BANK1: variants seen among roughly 807,000 people sequenced by gnomAD.
The protein encoded by BANK1 is B-cell scaffold protein with ankyrin repeats.
In BANK1, 95 loss-of-function variants were observed where a neutral mutation model predicts 94.5. The ratio of observed to expected loss-of-function variants is 1.00; its 90% CI spans 0.85 to 1.19. The LOEUF is 1.19. BANK1 is among the 50% of genes most tolerant of loss of function. The pLI is 0.00. For synonymous variants in BANK1, 334 were observed against 308.4 expected (o/e 1.08, Z -0.87); for missense variants, 987 against 932.2 (o/e 1.06, Z -0.77).
Position 101,902,392 on chromosome 4 carries a change from T to C in BANK1, c.1009+6982T>C, listed in dbSNP as rs537352846. On this transcript the variant is annotated intron_variant, in intron 6 of 16. Transcript: ENST00000322953. ...AAAAATGCTATTAAGGTTTTATATT[T>C]CTCTAAGAAATAAATTATTATAAAT... Among the ~76,000 whole-genome samples, 3 of 152,364 alleles carry C rather than the reference T, an allele frequency of 2.0e-5. No homozygotes were observed. The East Asian group carries it at 5.8e-4, about 29-fold the overall frequency.
At chr4:101,995,784 A>G (rs530588443) in intron 7 of BANK1, among the ~76,000 whole-genome samples, 31 of 151,786 alleles carry the variant, frequency 2.0e-4, no homozygotes, top group Non-Finnish European at 4.3e-4. Flanking sequence ...CCACTTTTTG[A>G]TGGGGTTGTT....
At chr4:101,793,283 A>G (rs1051855364) in intron 1 of BANK1, among the ~76,000 whole-genome samples, 30 of 152,154 alleles carry the variant, frequency 2.0e-4, no homozygotes, top group Admixed American at 6.5e-4. Flanking sequence ...TTTGACTGCA[A>G]TCTTCCAACA....
intron 11 of BANK1, among the ~76,000 whole-genome samples, chr4:102,059,088 G>A (rs766796467): frequency 6.6e-6 from 1 of 152,154 alleles, no homozygotes; most frequent in Non-Finnish European, 1.5e-5. Flanking sequence ...ATCAATCCTA[G>A]TTATATCAAC....
At chr4:101,853,985 G>T (rs896954037) in intron 2 of BANK1, among the ~76,000 whole-genome samples, 1 of 152,120 alleles carries the variant, frequency 6.6e-6, no homozygotes, top group Non-Finnish European at 1.5e-5. Flanking sequence ...GTTCATCATG[G>T]TGACAGAGTG....
rs1560602273 is a variant in BANK1 at position 101,853,651 on chromosome 4, CGT to C, written c.470-1383_470-1382del. Among the ~76,000 whole-genome samples, 10 of 152,162 alleles carry C rather than the reference CGT, an allele frequency of 6.6e-5. No individual in the cohort carries two copies. The East Asian group carries it at 1.9e-3, about 29-fold the overall frequency. ...AGTTTGCCTGCTATCAAGAAGCAGG[CGT>C]AATTTTATGATTTGACATATTAATG... On this transcript the variant is annotated intron_variant, in intron 2 of 16. Transcript: ENST00000322953.
chr4:101,925,822 C>T (rs183312878), intron 7 of BANK1, among the ~76,000 whole-genome samples: 7 of 151,756 alleles, frequency 4.6e-5, no homozygotes, highest in Admixed American at 1.3e-4. Context: ...TTGTGTAGAA[C>T]AGGGTAACCT....
At chr4:101,896,942 T>C (rs1327299757) in intron 6 of BANK1, among the ~76,000 whole-genome samples, 1 of 151,980 alleles carries the variant, frequency 6.6e-6, no homozygotes, top group Non-Finnish European at 1.5e-5. Flanking sequence ...CAGAAATTAA[T>C]GTTATTGTAA....
chr4:101,836,221 C>T (rs909049914), intron 2 of BANK1, among the ~76,000 whole-genome samples: 51 of 152,124 alleles, frequency 3.4e-4, no homozygotes, highest in African/African-American at 1.2e-3. Context: ...TGGCTCACGC[C>T]TGTAATCCAA....
intron 2 of BANK1, among the ~76,000 whole-genome samples, chr4:101,836,630 T>G (rs1432029135): frequency 3.9e-5 from 6 of 152,250 alleles, no homozygotes; most frequent in Non-Finnish European, 8.8e-5. Context: ...TTGGTTTTTC[T>G]CTTTATTGAA....
intron 7 of BANK1, among the ~76,000 whole-genome samples, chr4:102,013,928 G>A (rs2148943441): frequency 6.6e-6 from 1 of 152,144 alleles, no homozygotes; most frequent in East Asian, 1.9e-4. Flanking sequence ...AAAGTTCTGT[G>A]CTAAGCACTT....
chr4:102,044,050 C>CT lies in BANK1; in HGVS notation c.1969+146dup, dbSNP rs751083616. 313 of 490,918 alleles carry CT rather than the reference C, an allele frequency of 6.4e-4. 2 individuals carry two copies. The highest frequency in any genetic ancestry group is 5.8e-3 in the East Asian group (184 of 31,772). The allele number at this position is 490,918 out of a possible 1,614,324, so 30.4% of individuals were successfully genotyped here. A position where few individuals can be genotyped will look rare whatever the true frequency, so the allele number is the denominator to read the frequency against. ...TACTCTTTTTTTTATTATTATTATA[C>CT]TTTAAGTTTTAGGGTACATGTGCAC... is the stretch of plus-strand genomic sequence containing the variant. On this transcript the variant is annotated intron_variant, in intron 11 of 16. Coordinates refer to ENST00000322953, the MANE Select transcript of BANK1 (RefSeq NM_017935.5).
intron 11 of BANK1, among the ~76,000 whole-genome samples, chr4:102,046,561 T>C (rs961940573): frequency 1.3e-5 from 2 of 152,098 alleles, no homozygotes; most frequent in African/African-American, 2.4e-5. Flanking sequence ...AATGATTTGA[T>C]TCCTCCAAAG....
chr4:102,066,256 CTTT>C (rs35912776), intron 13 of BANK1, among the ~76,000 whole-genome samples: 3 of 143,918 alleles, frequency 2.1e-5, no homozygotes, highest in Admixed American at 6.9e-5. Flanking sequence ...ACAATAACAT[CTTT>C]TTTTTTTTTT....
intron 12 of BANK1, chr4:102,061,326 G>C (rs897229875): frequency 1.3e-5 from 2 of 152,176 alleles, no homozygotes; most frequent in African/African-American, 2.4e-5. Context: ...ATCATGCCTT[G>C]TTAGAAACCA....
chr4:101,866,482 A>G (rs1225207370), intron 4 of BANK1, among the ~76,000 whole-genome samples: 1 of 152,180 alleles, frequency 6.6e-6, no homozygotes, highest in Non-Finnish European at 1.5e-5. Flanking sequence ...ATACAGATAT[A>G]GGAAGCTCAA....
At position 101,877,057 on chromosome 4, in the gene BANK1, A is replaced by C. The variant is rs80176159; in HGVS notation, c.903+6413A>C. Among the ~76,000 whole-genome samples the C allele has an allele frequency of 4.7e-3, 721 of 152,232 alleles. 13 individuals carry two copies. In the East Asian group the frequency reaches 0.058, roughly 12 times the overall value. On this transcript the variant is annotated intron_variant, in intron 5 of 16. Coordinates refer to ENST00000322953, the MANE Select transcript of BANK1 (RefSeq NM_017935.5). ...TCAGGCACACTTATGGGATCTGGAA[A>C]ATAGTCCCAAATGGGCAAATCTAGG...
chr4:101,970,571 C>CT (rs1223279458), intron 7 of BANK1, among the ~76,000 whole-genome samples: 5 of 152,074 alleles, frequency 3.3e-5, no homozygotes, highest in African/African-American at 1.2e-4. Flanking sequence ...ATACTCTTAA[C>CT]TTTGTTTCAG....
In BANK1 at chr4:101,840,303, A is replaced by G. The variant is rs190000676; in HGVS notation, c.469+10097A>G. On this transcript the variant is annotated intron_variant, in intron 2 of 16. Transcript: ENST00000322953. ...TTTTATAGTGTGTTTAATCTCAATA[A>G]ATATATGATGCCTGACTTTGAATTA... Among the ~76,000 whole-genome samples the G allele has an allele frequency of 1.3e-3, 194 of 152,258 alleles. 3 individuals are homozygous for G. The highest frequency in any genetic ancestry group is 2.5e-4 in the Non-Finnish European group (17 of 68,024).
At chr4:102,056,777 A>T (rs1290407237) in intron 11 of BANK1, among the ~76,000 whole-genome samples, 1 of 152,074 alleles carries the variant, frequency 6.6e-6, no homozygotes, top group Non-Finnish European at 1.5e-5. Flanking sequence ...AGGCCAAGGC[A>T]GGCAGATCAC....
Sources: gnomAD v4.1 joint callset for allele counts (sites outside exome capture counted in the v4.1 genomes callset) on GRCh38, gnomAD v4.1.1 for gene constraint, MANE v1.5 for transcripts, NCBI Gene and HGNC (gene_info 2026-07-23, HGNC 2026-07-21) for gene names.